BTAF1: variants seen among roughly 807,000 people sequenced by gnomAD.
The protein encoded by BTAF1 is B-TFIID TATA-box binding protein associated factor 1, also known as TATA-binding protein-associated factor 172.
BTAF1 carries 38 observed loss-of-function variants against 227.1 expected under a neutral mutation model. The observed-to-expected ratio is 0.17, with a 90% confidence interval of 0.13 to 0.22. The LOEUF (loss-of-function observed/expected upper bound fraction) is 0.22. Ranked by LOEUF, BTAF1 falls within the 10% of genes least tolerant of loss-of-function variation. The pLI, the probability that BTAF1 is intolerant of heterozygous loss-of-function variation, is 1.00. For missense variants in BTAF1, 1,598 were observed against 2,204.0 expected, an observed-to-expected ratio of 0.73 and a Z score of 5.51; for synonymous variants, 742 against 751.9, an observed-to-expected ratio of 0.99 and a Z score of 0.21.
rs1402586399 is a variant in BTAF1 at position 92,024,857 on chromosome 10, C to G, written c.4965C>G (p.Ser1655Arg). Residue 1655 changes from serine to arginine, a missense_variant, in exon 35 of 38, where the codon AGC becomes AGG. By Grantham distance (110) the Ser-to-Arg change is moderately radical. Coordinates refer to ENST00000265990, the MANE Select transcript of BTAF1 (RefSeq NM_003972.3). Reference protein sequence around the residue: ...HRILIFCQLKSMLDIVEHDLL... With the variant: ...HRILIFCQLKRMLDIVEHDLL... ...TACTGATATTCTGTCAGCTGAAAAG[C>G]ATGCTTGATATAGTAGAGCATGATC... 15 of 1,613,814 alleles carry G rather than the reference C, an allele frequency of 9.3e-6. No homozygotes were observed. Among genetic ancestry groups the G allele is most frequent in the Non-Finnish European group, 1.2e-5 (14 of 1,179,976 alleles).
intron 32 of BTAF1, among the ~76,000 whole-genome samples, chr10:92,015,349 A>G (rs1457469054): frequency 2.6e-5 from 4 of 152,188 alleles, no homozygotes; most frequent in Non-Finnish European, 5.9e-5. Flanking sequence ...TTGATTCACT[A>G]CGGTCAAATG....
intron 5 of BTAF1, 124 bp downstream of exon 5, chr10:91,951,690 C>T (rs1327761268): frequency 2.4e-5 from 24 of 1,018,188 alleles, no homozygotes; most frequent in African/African-American, 3.4e-5. Context: ...CTTAGTGCCA[C>T]CATAATTTAG....
intron 3 of BTAF1, 137 bp from the exon 4 acceptor site, chr10:91,942,285 T>A (rs1028720363): frequency 1.2e-5 from 7 of 598,672 alleles, no homozygotes; most frequent in East Asian, 3.8e-5. Context: ...CCTCACTTCT[T>A]AAAAAAAAAA....
Position 92,018,773 on chromosome 10 carries a change from C to A in BTAF1, c.4711-10C>A. On this transcript the variant is annotated splice_polypyrimidine_tract_variant and intron_variant, in intron 33 of 37. Transcript: ENST00000265990. ...ATTGACTCATATATACTTTTTTTTT[C>A]CTCTTGAAGGCATTACAGTACTTAC... 1 of 1,496,268 alleles carries A rather than the reference C, an allele frequency of 6.7e-7. No individual in the cohort carries two copies. The highest frequency in any genetic ancestry group is 1.4e-5 in the South Asian group (1 of 73,058). The allele number at this position is 1,496,268 out of a possible 1,614,324, so 92.7% of individuals were successfully genotyped here. A position where few individuals can be genotyped will look rare whatever the true frequency, so the allele number is the denominator to read the frequency against.
Position 92,029,452 on chromosome 10 carries a change from G to A in BTAF1, c.*519G>A, listed in dbSNP as rs1159836068. ...AAATGTCAGACAATGAATTTAATCG[G>A]GCCCTTGGTGGAAACATTTATATAT... On this transcript the variant is annotated 3_prime_UTR_variant, in exon 38 of 38. Coordinates refer to ENST00000265990, the MANE Select transcript of BTAF1 (RefSeq NM_003972.3). The A allele has an allele frequency of 6.6e-6, 1 of 152,204 alleles. No homozygotes were observed. The highest frequency in any genetic ancestry group is 1.5e-5 in the Non-Finnish European group (1 of 67,884). The allele number at this position is 152,204 out of a possible 1,614,324, so 9.4% of individuals were successfully genotyped here.
intron 5 of BTAF1, among the ~76,000 whole-genome samples, chr10:91,952,898 A>G (rs1055903864): frequency 6.6e-6 from 1 of 152,254 alleles, no homozygotes; most frequent in Non-Finnish European, 1.5e-5. Context: ...GGTGTAAGAA[A>G]ATGAATGGGC....
At chr10:91,927,608 T>C (rs1843943763) in intron 1 of BTAF1, among the ~76,000 whole-genome samples, 2 of 152,164 alleles carry the variant, frequency 1.3e-5, no homozygotes, top group Admixed American at 1.3e-4. Context: ...TCCTAGTGGG[T>C]GTTCAGTACA....
chr10:92,016,570 C>T, intron 33 of BTAF1, 105 bp downstream of exon 33: 1 of 975,930 alleles, frequency 1.0e-6, no homozygotes, highest in South Asian at 2.1e-5. Context: ...CCTCTGCCTC[C>T]TGGGTTCAAG....
chr10:91,954,538 T>TAA (rs113190004), intron 6 of BTAF1, among the ~76,000 whole-genome samples: 2 of 148,766 alleles, frequency 1.3e-5, no homozygotes, highest in African/African-American at 4.9e-5. Flanking sequence ...GAGGACCTTG[T>TAA]AAAAAAAAAA....
chr10:91,966,630 T>G lies in BTAF1; in HGVS notation c.1530-7T>G. 6.2e-7 allele frequency: 1 copy of G among 1,612,876 alleles called. No individual in the cohort carries two copies. The highest frequency in any genetic ancestry group is 8.5e-7 in the Non-Finnish European group (1 of 1,179,422). The stretch of plus-strand genomic sequence containing the variant: ...TAAGTAAGATTAATTTGTGTCTTCT[T>G]TATTAGTATTCAGCAGTCACTGACA... On this transcript the variant is annotated splice_polypyrimidine_tract_variant and splice_region_variant and intron_variant, in intron 13 of 37. Coordinates refer to ENST00000265990, the MANE Select transcript of BTAF1 (RefSeq NM_003972.3).
At chr10:91,940,514 G>C (rs565666058) in intron 3 of BTAF1, among the ~76,000 whole-genome samples, 58 of 151,924 alleles carry the variant, frequency 3.8e-4, no homozygotes, top group African/African-American at 1.4e-3. Flanking sequence ...TTTTTGTAGT[G>C]GGAAAAAATG....
chr10:92,028,707 A>G (rs1851693958), intron 37 of BTAF1, 83 bp from the exon 38 acceptor site: 1 of 1,327,798 alleles, frequency 7.5e-7, no homozygotes, highest in Non-Finnish European at 1.0e-6. Flanking sequence ...TGTATTAGAA[A>G]CAAGTGTGAT....
At chr10:92,009,850 A>G (rs1189768256) in intron 28 of BTAF1, among the ~76,000 whole-genome samples, 1 of 151,908 alleles carries the variant, frequency 6.6e-6, no homozygotes, top group African/African-American at 2.4e-5. Context: ...CTAACTGTAA[A>G]TTTTTTCAAG....
Position 91,953,773 on chromosome 10 carries a change from C to G in BTAF1, c.601C>G (p.Arg201Gly). ...QAAELIDSEFRAGMSNRQKNK... is the reference protein window; with the variant it reads ...QAAELIDSEFGAGMSNRQKNK... ...AGCTGAATTGATTGACTCAGAGTTT[C>G]GAGCAGGAATGAGCAATAGACAAAA... Residue 201 changes from arginine to glycine, a missense_variant, in exon 6 of 38, where the codon CGA (arginine) becomes GGA (glycine). Coordinates refer to ENST00000265990, the MANE Select transcript of BTAF1 (RefSeq NM_003972.3). 1 of 1,613,914 alleles carries G rather than the reference C, an allele frequency of 6.2e-7. No individual in the cohort carries two copies. The highest frequency in any genetic ancestry group is 1.1e-5 in the South Asian group (1 of 91,062).
At chr10:91,995,417 C>T (rs1849066000) in intron 23 of BTAF1, among the ~76,000 whole-genome samples, 1 of 152,052 alleles carries the variant, frequency 6.6e-6, no homozygotes, top group Admixed American at 6.5e-5. Context: ...TGGCTTACAC[C>T]TGTAATCCCA....
At position 91,956,623 on chromosome 10, in the gene BTAF1, A is replaced by G. The variant is rs779571207; in HGVS notation, c.797A>G (p.Asp266Gly). Residue 266 changes from aspartate (D) to glycine (G), a missense_variant, in exon 7 of 38, where the codon GAT becomes GGT. Around this residue, in one of 10 missense-constraint regions of BTAF1, gnomAD observed 298 missense variants for 395.2 expected, o/e 0.75. Coordinates refer to ENST00000265990, the MANE Select transcript of BTAF1 (RefSeq NM_003972.3). ...GCAAATGATTCCAAAGTCTTGATTGATAATATTCCAGACAGCTCTTCCTTA... is the reference window on the plus strand; with the variant it reads ...GCAAATGATTCCAAAGTCTTGATTGGTAATATTCCAGACAGCTCTTCCTTA... Reference protein sequence around the residue: ...QSANDSKVLIDNIPDSSSLIE... With the variant: ...QSANDSKVLIGNIPDSSSLIE... 6.2e-7 allele frequency: 1 copy of G among 1,609,982 alleles called. No homozygotes were observed. The highest frequency in any genetic ancestry group is 2.2e-5 in the East Asian group (1 of 44,690).
intron 13 of BTAF1, among the ~76,000 whole-genome samples, chr10:91,964,802 C>T (rs1422606802): frequency 2.0e-5 from 3 of 152,108 alleles, no homozygotes; most frequent in Non-Finnish European, 4.4e-5. Flanking sequence ...ATATTCCCTA[C>T]CTTTTAGACT....
intron 14 of BTAF1, among the ~76,000 whole-genome samples, chr10:91,975,765 A>G (rs1847634101): frequency 6.6e-6 from 1 of 152,212 alleles, no homozygotes; most frequent in South Asian, 2.1e-4. Flanking sequence ...GGAAGATAAA[A>G]GAGGGACCGT....
At chr10:91,963,986 G>A (rs1846708570) in intron 12 of BTAF1, 91 bp from the exon 13 acceptor site, 7 of 1,385,056 alleles carry the variant, frequency 5.1e-6, no homozygotes, top group Middle Eastern at 1.9e-4. Flanking sequence ...ATGTGTTGTT[G>A]AATCAGTAGT....
Sources: gnomAD v4.1 joint callset for allele counts (sites outside exome capture counted in the v4.1 genomes callset) on GRCh38, gnomAD v4.1.1 for gene constraint, gnomAD v4.1.1 regional missense constraint, MANE v1.5 for transcripts, NCBI Gene and HGNC (gene_info 2026-07-23, HGNC 2026-07-21) for gene names.